Variants in MYBPHL observed in about 807,000 individuals in gnomAD.
MYBPHL encodes the protein myosin binding protein H like, also known as myosin-binding protein H-like.
A neutral mutation model predicts 39.5 loss-of-function variants in MYBPHL; 32 were observed. The ratio of observed to expected loss-of-function variants is 0.81; its 90% CI spans 0.61 to 1.09. The LOEUF is 1.09. Among genes scored for constraint, MYBPHL ranks in the 50% least tolerant of loss-of-function variants. The pLI, the probability that MYBPHL is intolerant of heterozygous loss-of-function variation, is 0.00. For missense variants in MYBPHL, 456 were observed against 460.2 expected (o/e 0.99, Z 0.08); for synonymous variants, 196 against 183.7 (o/e 1.07, Z -0.54).
At chr1:109,305,822 TCA>T (rs1658447651) in intron 1 of MYBPHL, among the ~76,000 whole-genome samples, 1 of 152,360 alleles carries the variant, frequency 6.6e-6, no homozygotes, top group Admixed American at 6.5e-5. Flanking sequence ...AACGCAGCCT[TCA>T]CCTCTCACTT....
chr1:109,299,909 G>A (rs185590920), intron 1 of MYBPHL, among the ~76,000 whole-genome samples: 167 of 152,288 alleles, frequency 1.1e-3, no homozygotes, highest in Non-Finnish European at 1.5e-3. Flanking sequence ...TCTCTCCTGT[G>A]GCCATCTTGG....
At position 109,294,219 on chromosome 1, in the gene MYBPHL, C is replaced by T. The variant is rs1557760905; in HGVS notation, c.*20G>A. ...CTCTTTACTTACCTTTGTCAGAGTA[C>T]CATGCCTTCTTAGGTGTCCTCAATT... On this transcript the variant is annotated 3_prime_UTR_variant, in exon 8 of 9. Coordinates refer to ENST00000357155, the MANE Select transcript of MYBPHL (RefSeq NM_001010985.3). 1 of 1,599,386 alleles carries T rather than the reference C, an allele frequency of 6.3e-7. No individual in the cohort carries two copies. The highest frequency in any genetic ancestry group is 8.6e-7 in the Non-Finnish European group (1 of 1,166,418).
At chr1:109,300,735 AGAGAGCAAGGAAGGAGGCTGCCCGC>A (rs564712549) in intron 1 of MYBPHL, among the ~76,000 whole-genome samples, 1,995 of 152,248 alleles carry the variant, frequency 0.013, 49 homozygotes, top group African/African-American at 0.045. Context: ...CTGGCTGGGC[AGAGAGCAAGGAAGGAGGCTGCCCGC>A]GAGAGCAAGG....
At chr1:109,306,706 C>T (rs1007695705) in intron 1 of MYBPHL, 141 bp downstream of exon 1, 22 of 673,286 alleles carry the variant, frequency 3.3e-5, no homozygotes, top group African/African-American at 2.3e-4. Flanking sequence ...GGGGCTCTCA[C>T]GAATGATCTC....
intron 1 of MYBPHL, among the ~76,000 whole-genome samples, chr1:109,306,412 T>C (rs1658471354): frequency 6.6e-6 from 1 of 152,140 alleles, no homozygotes; most frequent in South Asian, 2.1e-4. Context: ...CGAGTGTCAC[T>C]GTGCTGCCCC....
chr1:109,296,212 G>A (rs369494735), intron 6 of MYBPHL, 22 bp downstream of exon 6: 33 of 1,610,870 alleles, frequency 2.0e-5, no homozygotes, highest in Middle Eastern at 2.0e-4. Flanking sequence ...TCAGCACAGT[G>A]CCCCCCAGAG....
intron 1 of MYBPHL, among the ~76,000 whole-genome samples, chr1:109,304,297 AAAGG>A: frequency 6.6e-6 from 1 of 152,310 alleles, no homozygotes; most frequent in Non-Finnish European, 1.5e-5. Context: ...AAGGAGGAGG[AAAGG>A]AAGGACGGAA....
At position 109,296,274 on chromosome 1, in the gene MYBPHL, T is replaced by C. The variant is rs781656373; in HGVS notation, c.827A>G (p.Tyr276Cys). 2 of 1,614,018 alleles carry C rather than the reference T, an allele frequency of 1.2e-6. No homozygotes were observed. Among genetic ancestry groups the C allele is most frequent in the African/African-American group, 2.7e-5 (2 of 74,996 alleles). The change falls in exon 6 of 9, where the codon TAT becomes TGT. Residue 276 changes from tyrosine to cysteine, a missense_variant. By Grantham distance (194) the Tyr-to-Cys change is radical (BLOSUM62 -2). Transcript: ENST00000357155. ...PLADCTTVTG[Y>C]NTQLFCCVRA... is the part of the protein sequence containing the mutation. ...GACACAGCAGAAGAGCTGGGTATTA[T>C]AGCCGGTGACTGTAGTGCAGTCGGC...
intron 2 of MYBPHL, 131 bp from the exon 3 acceptor site, chr1:109,297,748 GT>G: frequency 1.2e-6 from 1 of 801,682 alleles, no homozygotes; most frequent in Non-Finnish European, 1.9e-6. Flanking sequence ...TGAGTTAGAA[GT>G]TGGTGGACCC....
chr1:109,304,993 G>T (rs546195866), intron 1 of MYBPHL, among the ~76,000 whole-genome samples: 2 of 152,200 alleles, frequency 1.3e-5, no homozygotes, highest in Non-Finnish European at 2.9e-5. Flanking sequence ...AGGAAGAAAG[G>T]CTTTGGAGCT....
intron 6 of MYBPHL, among the ~76,000 whole-genome samples, chr1:109,295,822 G>C (rs111302922): frequency 1.1e-4 from 17 of 152,342 alleles, no homozygotes; most frequent in African/African-American, 4.1e-4. Flanking sequence ...ATGATGACTA[G>C]ATTGTAAATA....
intron 1 of MYBPHL, among the ~76,000 whole-genome samples, chr1:109,303,316 T>G (rs1203957030): frequency 6.6e-6 from 1 of 152,156 alleles, no homozygotes; most frequent in East Asian, 1.9e-4. Flanking sequence ...CCAACTTAGA[T>G]TGCACGGTCA....
rs1231556716 is a variant in MYBPHL, at chr1:109,296,154, T to C, written c.867+80A>G. On this transcript the variant is annotated intron_variant, in intron 6 of 8. Transcript: ENST00000357155. Reference sequence around the variant, plus strand: ...GATGGTAACAGATGTTATGTTACAGTGCTCTGCAACTCAGCTTAGGTTAGG... The same window carrying C: ...GATGGTAACAGATGTTATGTTACAGCGCTCTGCAACTCAGCTTAGGTTAGG... 3.9e-6 allele frequency: 6 copies of C among 1,541,786 alleles called. No individual in the cohort carries two copies. The Admixed American group carries it at 6.0e-5, about 15-fold the overall frequency.
intron 1 of MYBPHL, among the ~76,000 whole-genome samples, chr1:109,302,782 T>C (rs1658338171): frequency 6.6e-6 from 1 of 152,168 alleles, no homozygotes; most frequent in Non-Finnish European, 1.5e-5. Flanking sequence ...ACCACCTCTA[T>C]AACAGAGATG....
chr1:109,295,068 G>C (rs1378719311), intron 7 of MYBPHL, 43 bp downstream of exon 7: 3 of 1,596,956 alleles, frequency 1.9e-6, no homozygotes, highest in Non-Finnish European at 2.6e-6. Flanking sequence ...GGAGAGAGGA[G>C]GTGACTGGCA....
rs954567056 is a variant in MYBPHL at position 109,297,585 on chromosome 1, A to C, written c.267T>G (p.His89Gln). The change falls in exon 3 of 9, where the codon CAT becomes CAG. Residue 89 changes from histidine (H) to glutamine (Q), a missense_variant. Physicochemically the swap from His to Gln is conservative, Grantham distance 24. Transcript: ENST00000357155. The part of the protein sequence containing the change: ...GKPKPQAIWT[H>Q]DGCALDTRRV... ...GCCTGGTGTCCAAGGCACAGCCATC[A>C]TGTGTCCAGATGGCTTGAGGTTTGG... The C allele has an allele frequency of 1.2e-6, 2 of 1,613,546 alleles. No homozygotes were observed. The highest frequency in any genetic ancestry group is 8.5e-7 in the Non-Finnish European group (1 of 1,179,978).
rs369197135 is a variant in MYBPHL at position 109,296,248 on chromosome 1, G to A, written c.853C>T (p.Arg285Cys). The change falls in exon 6 of 9, where the codon CGC becomes TGC. Residue 285 changes from arginine (R) to cysteine (C), a missense_variant. Coordinates refer to ENST00000357155, the MANE Select transcript of MYBPHL (RefSeq NM_001010985.3). ...GYNTQLFCCV[R>C]ASPRPKIIWL... ...CCCCCACTCACCCGGGGAGAGGCGC[G>A]GACACAGCAGAAGAGCTGGGTATTA... 1.8e-5 allele frequency: 29 copies of A among 1,613,504 alleles called. No homozygotes were observed. Among genetic ancestry groups the A allele is most frequent in the African/African-American group, 5.3e-5 (4 of 74,856 alleles).
At chr1:109,297,808 A>G (rs1159739173) in intron 2 of MYBPHL, among the ~76,000 whole-genome samples, 191 bp from the exon 3 acceptor site, 2 of 152,184 alleles carry the variant, frequency 1.3e-5, no homozygotes, top group Admixed American at 6.5e-5. Flanking sequence ...CTTGGGAAAG[A>G]GGGATGGCTT....
Position 109,297,089 on chromosome 1 carries a change from A to C in MYBPHL, c.531T>G (p.Leu177=), listed in dbSNP as rs781035388. ...TPPQDTGNTA[L]LGYTVQKADT... is the part of the protein sequence containing the mutation. Reference sequence around the variant, plus strand: ...CAGCCTTCTGCACCGTGTATCCCAGAAGTGCTGTATTCCCCGTATCTTGGG... The same window carrying C: ...CAGCCTTCTGCACCGTGTATCCCAGCAGTGCTGTATTCCCCGTATCTTGGG... Residue 177 remains leucine (L), a synonymous_variant, in exon 4 of 9, where the codon CTT becomes CTG. Transcript: ENST00000357155. The C allele has an allele frequency of 1.2e-6, 2 of 1,614,076 alleles. No homozygotes were observed. Among genetic ancestry groups the C allele is most frequent in the Admixed American group, 1.7e-5 (1 of 60,008 alleles).
Sources: gnomAD v4.1 joint callset for allele counts (sites outside exome capture counted in the v4.1 genomes callset) on GRCh38, gnomAD v4.1.1 for gene constraint, MANE v1.5 for transcripts, NCBI Gene and HGNC (gene_info 2026-07-23, HGNC 2026-07-21) for gene names.